The following RFC4 variants were observed in gnomAD, a reference collection of about 807,000 sequenced individuals.
RFC4 encodes the protein A1 37 kDa subunit.
A neutral mutation model predicts 47.6 loss-of-function variants in RFC4; 38 were observed. That is an observed-to-expected ratio of 0.80 (90% confidence interval 0.62 to 1.05). The LOEUF is 1.05. Among genes scored for constraint, RFC4 ranks in the 50% least tolerant of loss-of-function variants. The pLI, the probability that RFC4 is intolerant of heterozygous loss-of-function variation, is 0.00. For synonymous variants in RFC4, 164 were observed against 150.0 expected, an observed-to-expected ratio of 1.09 and a Z score of -0.68; for missense variants, 489 against 434.0, an observed-to-expected ratio of 1.13 and a Z score of -1.13.
In RFC4 at chr3:186,791,058, C is replaced by A. The variant is rs190601090; in HGVS notation, c.802-652G>T. Among the ~76,000 whole-genome samples the A allele has an allele frequency of 2.7e-5, 4 of 150,428 alleles. No individual in the cohort carries two copies. In the East Asian group the frequency reaches 7.7e-4, roughly 29 times the overall value. On this transcript the variant is annotated intron_variant, in intron 8 of 10. Transcript: ENST00000296273. ...AGTATCCAAAGACAAGTGGGGTACT[C>A]CATTCTCTTTAATAAATGATTACTG...
At chr3:186,803,913 G>C (rs898460062) in intron 2 of RFC4, among the ~76,000 whole-genome samples, 1 of 152,086 alleles carries the variant, frequency 6.6e-6, no homozygotes, top group African/African-American at 2.4e-5. Flanking sequence ...TGGGCGCGGT[G>C]GCTCATGCAT....
intron 2 of RFC4, among the ~76,000 whole-genome samples, chr3:186,801,730 A>AAAAAAAAAAAAAAG (rs1348449105): frequency 6.7e-6 from 1 of 149,832 alleles, no homozygotes; most frequent in African/African-American, 2.5e-5. Context: ...AAAAAAAAAA[A>AAAAAAAAAAAAAAG]AGAAATTAAA....
intron 1 of RFC4, chr3:186,804,963 C>T: frequency 2.8e-6 from 1 of 354,322 alleles, no homozygotes. Flanking sequence ...CCCTAACGAA[C>T]TTAGAATCTA....
At chr3:186,799,184 C>A (rs73886089) in intron 3 of RFC4, among the ~76,000 whole-genome samples, 4,415 of 152,150 alleles carry the variant, frequency 0.029, 136 homozygotes, top group East Asian at 0.085. Flanking sequence ...AATTATTAAA[C>A]CTTAATTATA....
chr3:186,800,198 C>T (rs2108472018), intron 3 of RFC4, among the ~76,000 whole-genome samples: 1 of 152,256 alleles, frequency 6.6e-6, no homozygotes. Context: ...CTCAAGTGAT[C>T]TTCCCATCTC....
intron 1 of RFC4, 120 bp from the exon 2 acceptor site, chr3:186,804,844 A>T: frequency 2.2e-6 from 2 of 902,612 alleles, no homozygotes; most frequent in Non-Finnish European, 3.4e-6. Flanking sequence ...CCCGAAAATA[A>T]ACTTAGCCTT....
chr3:186,798,365 A>C (rs1462157546), intron 3 of RFC4, among the ~76,000 whole-genome samples: 1 of 152,184 alleles, frequency 6.6e-6, no homozygotes, highest in Non-Finnish European at 1.5e-5. Flanking sequence ...CTGTTATGAT[A>C]CTGTGCAATC....
rs532255028 is a variant in RFC4, at chr3:186,803,055, A to G, written c.131+1528T>C. ...GGTTTATTGGTGCCAAACAAAACAT[A>G]TAAGGGGCTGGGCGCAGTGACTCAC... On this transcript the variant is annotated intron_variant, in intron 2 of 10. Transcript: ENST00000296273. Among the ~76,000 whole-genome samples the G allele has an allele frequency of 2.9e-4, 44 of 152,314 alleles. No homozygotes were observed. The South Asian group carries it at 5.0e-3, about 17-fold the overall frequency.
intron 2 of RFC4, 73 bp from the exon 3 acceptor site, chr3:186,801,268 T>G: frequency 1.8e-6 from 2 of 1,099,568 alleles, no homozygotes; most frequent in Non-Finnish European, 1.4e-6. Flanking sequence ...CAAGTGTTCC[T>G]TCTACTAAAA....
rs1490810600 is a variant in RFC4 at position 186,789,953 on chromosome 3, T to C, written c.*16A>G. ...ACTTCATTATTTACAAAACCCCCCA[T>C]CCAGATATATTCACGTTAACAATTC... On this transcript the variant is annotated 3_prime_UTR_variant, in exon 11 of 11. Coordinates refer to ENST00000296273, the MANE Select transcript of RFC4 (RefSeq NM_002916.5). The C allele has an allele frequency of 6.7e-7, 1 of 1,490,228 alleles. No homozygotes were observed. Among genetic ancestry groups the C allele is most frequent in the Admixed American group, 1.7e-5 (1 of 58,752 alleles). The allele number at this position is 1,490,228 out of a possible 1,614,324, so 92.3% of individuals were successfully genotyped here.
rs185005078 is a variant in RFC4 at position 186,801,231 on chromosome 3, T to G, written c.132-36A>C. ...GAGAAGGAGGAAAGAGGTTATTTAG[T>G]ATATTATAGTAGCCACAGAAAACTC... On this transcript the variant is annotated intron_variant, in intron 2 of 10. Transcript: ENST00000296273. The G allele has an allele frequency of 2.9e-5, 43 of 1,468,204 alleles. 1 individual carries two copies. In the Middle Eastern group the frequency reaches 6.9e-4, roughly 24 times the overall value. 90.9% of individuals were successfully genotyped at this position (1,468,204 alleles called of 1,614,324 possible).
At chr3:186,800,358 T>C (rs922349257) in intron 3 of RFC4, among the ~76,000 whole-genome samples, 4 of 152,178 alleles carry the variant, frequency 2.6e-5, no homozygotes, top group Admixed American at 6.5e-5. Context: ...ATGTGTACTG[T>C]AGTAATATAA....
chr3:186,792,621 T>C lies in RFC4; in HGVS notation c.555-11A>G, dbSNP rs755297507. ...AGGGGTTCAATTATTCTGTGGAAGATGAGAAAAACCAAGTTGGTGTCTAAA... is the reference window on the plus strand; with the variant it reads ...AGGGGTTCAATTATTCTGTGGAAGACGAGAAAAACCAAGTTGGTGTCTAAA... On this transcript the variant is annotated splice_polypyrimidine_tract_variant and intron_variant, in intron 6 of 10. Transcript: ENST00000296273. 16 of 1,605,440 alleles carry C rather than the reference T, an allele frequency of 1.0e-5. No individual in the cohort carries two copies. Among genetic ancestry groups the C allele is most frequent in the Non-Finnish European group, 9.4e-6 (11 of 1,175,104 alleles).
At chr3:186,792,971 G>A (rs373377963) in intron 5 of RFC4, 24 bp from the exon 6 acceptor site, 31 of 1,600,886 alleles carry the variant, frequency 1.9e-5, no homozygotes, top group Non-Finnish European at 2.4e-5. Context: ...ACACATAAGA[G>A]TTGAACATTA....
In RFC4 at chr3:186,799,384, G is replaced by A. The variant is rs1183214768; in HGVS notation, c.210+1733C>T. Among the ~76,000 whole-genome samples, 6 of 151,946 alleles carry A rather than the reference G, an allele frequency of 3.9e-5. No individual in the cohort carries two copies. In the East Asian group the frequency reaches 1.2e-3, roughly 29 times the overall value. ...TCTTTACAAAACTTAGTCTGAAAAG[G>A]TGCACAAAATATTAAACTGAAGTTC... On this transcript the variant is annotated intron_variant, in intron 3 of 10. Coordinates refer to ENST00000296273, the MANE Select transcript of RFC4 (RefSeq NM_002916.5).
intron 1 of RFC4, 176 bp from the exon 2 acceptor site, chr3:186,804,900 AC>A: frequency 1.7e-6 from 1 of 582,918 alleles, no homozygotes; most frequent in Non-Finnish European, 3.0e-6. Flanking sequence ...ATGACCTAGG[AC>A]ACTCTGAATG....
intron 2 of RFC4, chr3:186,801,425 A>C: frequency 1.8e-6 from 1 of 540,924 alleles, no homozygotes; most frequent in Non-Finnish European, 3.3e-6. Flanking sequence ...CATTGCTCGA[A>C]TCTGTTATAC....
chr3:186,801,521 C>G (rs1197300048), intron 2 of RFC4: 4 of 219,220 alleles, frequency 1.8e-5, no homozygotes, highest in African/African-American at 2.3e-5. Flanking sequence ...ACCATCCTGG[C>G]TAACACAGTG....
At chr3:186,802,781 A>C (rs1035606426) in intron 2 of RFC4, among the ~76,000 whole-genome samples, 4 of 152,150 alleles carry the variant, frequency 2.6e-5, no homozygotes, top group African/African-American at 7.2e-5. Flanking sequence ...GTTATAAAGC[A>C]GGGACTCATA....
Sources: allele counts gnomAD v4.1 joint callset (sites outside exome capture counted in the v4.1 genomes callset), GRCh38; gene constraint gnomAD v4.1.1; transcripts MANE v1.5; gene names NCBI Gene and HGNC (gene_info 2026-07-23, HGNC 2026-07-21).